The following IL31RA variants were observed in gnomAD, a reference collection of about 807,000 sequenced individuals.
IL31RA encodes interleukin-31 receptor subunit alpha.
Under a neutral mutation model 83.7 loss-of-function variants are expected in IL31RA, and 66 were observed. The ratio of observed to expected loss-of-function variants is 0.79; its 90% CI spans 0.65 to 0.97. The LOEUF is 0.97. IL31RA is among the 50% of genes least tolerant of loss of function. IL31RA has a pLI of 0.00. For synonymous variants in IL31RA, 325 were observed against 329.0 expected (o/e 0.99, Z 0.13); for missense variants, 798 against 919.4 (o/e 0.87, Z 1.71).
chr5:55,890,213 A>G, intron 6 of IL31RA, 78 bp downstream of exon 6: 2 of 1,427,304 alleles, frequency 1.4e-6, no homozygotes, highest in Non-Finnish European at 2.0e-6. Context: ...GGGGTTTGTC[A>G]CCACCTGGTT....
Position 55,900,092 on chromosome 5 carries a change from T to G in IL31RA, c.1029T>G (p.Ser343=), listed in dbSNP as rs992743114. ...SMISYNSLGK[S]PVATLRIPAI... ...TTTCTTATAATTCTCTTGGGAAGTC[T>G]CCAGTGGCCACCCTGAGGATTCCAG... is the stretch of plus-strand genomic sequence containing the variant. The change falls in exon 8 of 15, where the codon TCT becomes TCG. Residue 343 remains serine, a synonymous_variant. Coordinates refer to ENST00000652347, the MANE Select transcript of IL31RA (RefSeq NM_139017.7). 55 of 1,613,968 alleles carry G rather than the reference T, an allele frequency of 3.4e-5. 1 individual carries two copies. The highest frequency in any genetic ancestry group is 4.6e-5 in the Non-Finnish European group (54 of 1,179,956).
chr5:55,866,880 TG>T (rs1348519112), intron 2 of IL31RA: 2 of 152,234 alleles, frequency 1.3e-5, no homozygotes, highest in African/African-American at 4.8e-5. Flanking sequence ...ACTTCTTGTC[TG>T]GTAGAGACTG....
chr5:55,907,427 C>T lies in IL31RA; in HGVS notation c.1321C>T (p.Pro441Ser), dbSNP rs1332954855. 6.2e-7 allele frequency: 1 copy of T among 1,612,982 alleles called. No individual in the cohort carries two copies. The highest frequency in any genetic ancestry group is 8.5e-7 in the Non-Finnish European group (1 of 1,178,920). Residue 441 changes from proline (P) to serine (S), a missense_variant, in exon 10 of 15, where the codon CCA (proline) becomes TCA (serine). Pro to Ser is a moderately conservative substitution (Grantham distance 74). Transcript: ENST00000652347. ...YPMLHDKVGEPYSIQAYAKEG... is the reference protein window; with the variant it reads ...YPMLHDKVGESYSIQAYAKEG... ...AATGTTGCATGACAAAGTTGGCGAGCCATATTCCATCCAGGCTTATGCCAA... is the reference window on the plus strand; with the variant it reads ...AATGTTGCATGACAAAGTTGGCGAGTCATATTCCATCCAGGCTTATGCCAA...
chr5:55,867,183 G>GTGTGTGTGCA, intron 2 of IL31RA, among the ~76,000 whole-genome samples: 1 of 34,506 alleles, frequency 2.9e-5, no homozygotes, highest in South Asian at 1.4e-3. Context: ...GTGTGTGCAT[G>GTGTGTGTGCA]TGTGTTTGTG....
At chr5:55,900,279 A>G in intron 8 of IL31RA, 147 bp downstream of exon 8, 1 of 704,904 alleles carries the variant, frequency 1.4e-6, no homozygotes, top group South Asian at 1.5e-5. Flanking sequence ...AGCAATGAGA[A>G]TTTGCTGGTA....
chr5:55,859,923 T>G (rs947783861), intron 2 of IL31RA, among the ~76,000 whole-genome samples: 1 of 152,266 alleles, frequency 6.6e-6, no homozygotes, highest in Non-Finnish European at 1.5e-5. Flanking sequence ...CCTCAGTGGA[T>G]GCCTGAAACT....
intron 6 of IL31RA, among the ~76,000 whole-genome samples, chr5:55,892,910 T>C (rs2112485025): frequency 6.6e-6 from 1 of 152,374 alleles, no homozygotes; most frequent in Non-Finnish European, 1.5e-5. Flanking sequence ...TTCTTCATTT[T>C]TTCAGGATCC....
chr5:55,907,291 CTT>C, intron 9 of IL31RA, 66 bp from the exon 10 acceptor site: 2 of 904,230 alleles, frequency 2.2e-6, no homozygotes, highest in Non-Finnish European at 3.7e-6. Flanking sequence ...GGCCATAACT[CTT>C]AGTCTAGTAT....
chr5:55,892,122 T>A (rs1748046099), intron 6 of IL31RA, among the ~76,000 whole-genome samples: 1 of 152,144 alleles, frequency 6.6e-6, no homozygotes, highest in South Asian at 2.1e-4. Context: ...AGTAAATGAA[T>A]GACTAATTGG....
chr5:55,916,708 G>A lies in IL31RA; in HGVS notation c.1883G>A (p.Cys628Tyr). The A allele has an allele frequency of 6.2e-7, 1 of 1,614,186 alleles. No homozygotes were observed. Among genetic ancestry groups the A allele is most frequent in the Non-Finnish European group, 8.5e-7 (1 of 1,180,028 alleles). The change falls in exon 15 of 15, where the codon TGT (cysteine) becomes TAT (tyrosine). Residue 628 changes from cysteine to tyrosine, a missense_variant. Transcript: ENST00000652347. ...ACAGAAGACAGGATCTTAAAACCAT[G>A]TTCCACCCCCAGTGACAAGTTGGTG... ...VNTEDRILKP[C>Y]STPSDKLVID...
chr5:55,883,320 A>T (rs1427295587), intron 5 of IL31RA, 125 bp downstream of exon 5: 1 of 900,042 alleles, frequency 1.1e-6, no homozygotes, highest in African/African-American at 1.7e-5. Flanking sequence ...AGACATTGCT[A>T]AGTACTTCTC....
In IL31RA at chr5:55,851,603, G is replaced by A. The variant is rs371900126; in HGVS notation, c.33G>A (p.Thr11=). The A allele has an allele frequency of 1.6e-5, 26 of 1,613,892 alleles. No individual in the cohort carries two copies. The South Asian group carries it at 1.6e-4, about 10-fold the overall frequency. MCIRQLKFFT[T]ACVCECPQNI... ...TCAGGCAACTCAAGTTTTTCACCACGGCATGTGTCTGTGAATGTCCGCAAA... is the reference window on the plus strand; with the variant it reads ...TCAGGCAACTCAAGTTTTTCACCACAGCATGTGTCTGTGAATGTCCGCAAA... Residue 11 remains threonine, a synonymous_variant, in exon 1 of 15, where the codon ACG becomes ACA. Coordinates refer to ENST00000652347, the MANE Select transcript of IL31RA (RefSeq NM_139017.7).
chr5:55,849,547 A>AT (rs1745005232), upstream of IL31RA, among the ~76,000 whole-genome samples: 1 of 152,132 alleles, frequency 6.6e-6, no homozygotes, highest in African/African-American at 2.4e-5. Context: ...TAATTATGCC[A>AT]TTTTTTGGTT....
intron 4 of IL31RA, among the ~76,000 whole-genome samples, chr5:55,876,371 A>G (rs558047896): frequency 2.3e-3 from 353 of 152,154 alleles, no homozygotes; most frequent in African/African-American, 6.7e-3. Flanking sequence ...ATGCCACTAC[A>G]CTCCAGCCTG....
At chr5:55,910,737 A>G in intron 12 of IL31RA, 65 bp downstream of exon 12, 1 of 1,578,308 alleles carries the variant, frequency 6.3e-7, no homozygotes, top group South Asian at 1.1e-5. Context: ...GAGAGAAATG[A>G]CATCTGCCAA....
chr5:55,864,420 CCA>C (rs1745892799), intron 2 of IL31RA, among the ~76,000 whole-genome samples: 1 of 144,738 alleles, frequency 6.9e-6, no homozygotes, highest in Non-Finnish European at 1.5e-5. Context: ...CACAAACATA[CCA>C]CACACCCCAC....
In IL31RA at chr5:55,916,849, C is replaced by T; in HGVS notation, c.2024C>T (p.Pro675Leu). ...GGEKNGYVTC[P>L]FRPDCPLGKS... ...GAAAAGAATGGGTATGTGACCTGCC[C>T]CTTCAGGCCTGATTGTCCCCTGGGG... Residue 675 changes from proline to leucine, a missense_variant, in exon 15 of 15, where the codon CCC becomes CTC. Transcript: ENST00000652347. 6.2e-7 allele frequency: 1 copy of T among 1,614,144 alleles called. No homozygotes were observed. The highest frequency in any genetic ancestry group is 8.5e-7 in the Non-Finnish European group (1 of 1,180,024).
At position 55,920,458 on chromosome 5, in the gene IL31RA, A is replaced by G. The variant is rs1561132239; in HGVS notation, c.*3338A>G. 6.6e-6 allele frequency among the ~76,000 whole-genome samples: 1 copy of G among 152,280 alleles called. No homozygotes were observed. Among genetic ancestry groups the G allele is most frequent in the Non-Finnish European group, 1.5e-5 (1 of 68,048 alleles). On this transcript the variant is annotated 3_prime_UTR_variant, in exon 15 of 15. Transcript: ENST00000652347. Reference sequence around the variant, plus strand: ...TAACATTTTGTGACAAGAAAAGTCCAAGAAATTCACGTAGTGTTGACAAAG... The same window carrying G: ...TAACATTTTGTGACAAGAAAAGTCCGAGAAATTCACGTAGTGTTGACAAAG...
intron 1 of IL31RA, chr5:55,853,352 A>G: frequency 4.4e-5 from 57 of 1,305,310 alleles, no homozygotes; most frequent in Non-Finnish European, 5.1e-5. Context: ...TTCCCAGCAT[A>G]AGTGGGTAAG....
Sources: gnomAD v4.1 joint callset for allele counts (sites outside exome capture counted in the v4.1 genomes callset) on GRCh38, gnomAD v4.1.1 for gene constraint, MANE v1.5 for transcripts, NCBI Gene and HGNC (gene_info 2026-07-23, HGNC 2026-07-21) for gene names.